RNF17: variants seen among roughly 807,000 people sequenced by gnomAD.
RNF17 encodes the protein spermatogenesis associated 23.
A neutral mutation model predicts 200.5 loss-of-function variants in RNF17; 31 were observed. That is an observed-to-expected ratio of 0.15 (90% CI 0.12 to 0.21). The LOEUF (loss-of-function observed/expected upper bound fraction) is 0.21. Among genes scored for constraint, RNF17 ranks in the 10% least tolerant of loss-of-function variants. The pLI, the probability that RNF17 is intolerant of heterozygous loss-of-function variation, is 1.00. For synonymous variants in RNF17, 606 were observed against 637.8 expected (o/e 0.95, Z 0.75); for missense variants, 1,628 against 1,905.1 (o/e 0.85, Z 2.71).
intron 33 of RNF17, 146 bp downstream of exon 33, chr13:24,874,395 A>G: frequency 1.7e-6 from 1 of 598,098 alleles, no homozygotes; most frequent in Non-Finnish European, 2.6e-6. Flanking sequence ...TAAAGTATAC[A>G]TAAAATTTAC....
At chr13:24,883,340 T>G, downstream of RNF17, 1 of 1,613,328 alleles carries the variant, frequency 6.2e-7, no homozygotes, top group Non-Finnish European at 8.5e-7. Context: ...TCTTTGGCCA[T>G]TATTAAACTC....
At chr13:24,807,659 A>G (rs954500130) in intron 15 of RNF17, among the ~76,000 whole-genome samples, 3 of 151,816 alleles carry the variant, frequency 2.0e-5, no homozygotes, top group African/African-American at 7.3e-5. Context: ...ATTAGATCCC[A>G]TTTGTCAATT....
chr13:24,830,146 A>G (rs1048156656), intron 16 of RNF17, among the ~76,000 whole-genome samples: 4 of 152,202 alleles, frequency 2.6e-5, no homozygotes, highest in African/African-American at 9.6e-5. Flanking sequence ...TTTAGGTCAC[A>G]TAGAATTTTA....
chr13:24,789,986 A>G (rs143714230), intron 9 of RNF17, among the ~76,000 whole-genome samples: 71 of 152,262 alleles, frequency 4.7e-4, no homozygotes, highest in African/African-American at 1.3e-3. Flanking sequence ...TTTGAGATTG[A>G]TTCAGTCAGC....
chr13:24,810,738 G>A lies in RNF17; in HGVS notation c.2091+6309G>A, dbSNP rs755367624. 3.4e-3 allele frequency among the ~76,000 whole-genome samples: 507 copies of A among 147,450 alleles called. 2 individuals are homozygous for A. The highest frequency in any genetic ancestry group is 5.8e-3 in the Non-Finnish European group (392 of 67,232). ...GTTGATGCAGTTTCTTCCTAGTCTC[G>A]ATGGTCTTTACATTTTGGCATGATT... On this transcript the variant is annotated intron_variant, in intron 15 of 35. Coordinates refer to ENST00000255324, the MANE Select transcript of RNF17 (RefSeq NM_031277.3).
At chr13:24,780,065 GTC>G (rs1313249369) in intron 5 of RNF17, among the ~76,000 whole-genome samples, 1 of 152,104 alleles carries the variant, frequency 6.6e-6, no homozygotes, top group Non-Finnish European at 1.5e-5. Context: ...CCCTTAGTGA[GTC>G]TCTTTCTCTC....
intron 3 of RNF17, among the ~76,000 whole-genome samples, chr13:24,776,923 T>C (rs1881655909): frequency 6.6e-6 from 1 of 152,224 alleles, no homozygotes; most frequent in Non-Finnish European, 1.5e-5. Flanking sequence ...TATCTATATA[T>C]GTATAATGTC....
At chr13:24,815,665 C>A (rs751323660) in intron 15 of RNF17, among the ~76,000 whole-genome samples, 3 of 152,054 alleles carry the variant, frequency 2.0e-5, no homozygotes, top group Admixed American at 1.3e-4. Flanking sequence ...AAGGGAAAAG[C>A]GTTTGTCTTT....
At chr13:24,774,167 T>C (rs1459441694) in intron 2 of RNF17, among the ~76,000 whole-genome samples, 1 of 152,124 alleles carries the variant, frequency 6.6e-6, no homozygotes, top group African/African-American at 2.4e-5. Context: ...AGTTTTAAAT[T>C]AAATATTTTA....
intron 22 of RNF17, among the ~76,000 whole-genome samples, chr13:24,847,236 T>C (rs532429666): frequency 1.3e-5 from 2 of 152,282 alleles, no homozygotes; most frequent in South Asian, 4.1e-4. Flanking sequence ...CATATTACAA[T>C]TGAAGAAACT....
At position 24,812,676 on chromosome 13, in the gene RNF17, C is replaced by CCCCCT. The variant is rs1284187849; in HGVS notation, c.2091+8249_2091+8250insCCTCC. Among the ~76,000 whole-genome samples the CCCCCT allele has an allele frequency of 5.5e-5, 2 of 36,632 alleles. 1 individual carries two copies. Among genetic ancestry groups the CCCCCT allele is most frequent in the East Asian group, 1.5e-3 (2 of 1,366 alleles). 24.0% of individuals were successfully genotyped at this position (36,632 alleles called of 152,430 possible). ...CCATCTTGGCTCCTCCCCTCCCCGC[C>CCCCCT]CCACCCCCTTTTTTTTTTTTTTTGA... On this transcript the variant is annotated intron_variant, in intron 15 of 35. Coordinates refer to ENST00000255324, the MANE Select transcript of RNF17 (RefSeq NM_031277.3).
chr13:24,812,318 A>G (rs868019364), intron 15 of RNF17, among the ~76,000 whole-genome samples: 8 of 151,880 alleles, frequency 5.3e-5, no homozygotes, highest in South Asian at 4.2e-4. Context: ...GGACACTCTG[A>G]GCCATGTGCG....
chr13:24,843,161 A>G (rs1238292317), intron 19 of RNF17, among the ~76,000 whole-genome samples: 2 of 152,158 alleles, frequency 1.3e-5, no homozygotes, highest in South Asian at 2.1e-4. Context: ...AGCTAGAATC[A>G]GGAGCTTTTC....
intron 34 of RNF17, among the ~76,000 whole-genome samples, chr13:24,877,900 G>A (rs995925870): frequency 6.6e-6 from 1 of 152,190 alleles, no homozygotes; most frequent in Non-Finnish European, 1.5e-5. Flanking sequence ...AATCTGGCCT[G>A]TACCTTGTTT....
chr13:24,765,039 G>A (rs1879441836), intron 1 of RNF17, among the ~76,000 whole-genome samples: 1 of 152,000 alleles, frequency 6.6e-6, no homozygotes, highest in Admixed American at 6.6e-5. Flanking sequence ...TCTTTGAGTT[G>A]GAGTCTCGCT....
chr13:24,881,423 G>A (rs1953810332), downstream of RNF17, among the ~76,000 whole-genome samples: 1 of 152,030 alleles, frequency 6.6e-6, no homozygotes, highest in South Asian at 2.1e-4. Flanking sequence ...TTACAGGTGT[G>A]AGCCACCATG....
At chr13:24,845,435 TTA>T (rs1891155344) in intron 22 of RNF17, among the ~76,000 whole-genome samples, 1 of 152,214 alleles carries the variant, frequency 6.6e-6, no homozygotes, top group African/African-American at 2.4e-5. Flanking sequence ...CAGAACAGTT[TTA>T]GTCTACTGGA....
chr13:24,817,680 C>T (rs1436442358), intron 15 of RNF17, among the ~76,000 whole-genome samples: 1 of 150,962 alleles, frequency 6.6e-6, no homozygotes, highest in East Asian at 1.9e-4. Context: ...GAGTGTGCCA[C>T]TGCATTCCAG....
chr13:24,874,474 A>G (rs534932199), intron 33 of RNF17, among the ~76,000 whole-genome samples: 3 of 151,006 alleles, frequency 2.0e-5, no homozygotes, highest in South Asian at 2.1e-4. Context: ...CAGTGGCGCA[A>G]TCTTGGCTCA....
Sources: gnomAD v4.1 joint callset for allele counts (sites outside exome capture counted in the v4.1 genomes callset) on GRCh38, gnomAD v4.1.1 for gene constraint, MANE v1.5 for transcripts, NCBI Gene and HGNC (gene_info 2026-07-23, HGNC 2026-07-21) for gene names.